ROBO2: variants seen among roughly 807,000 people sequenced by gnomAD.
The protein encoded by ROBO2 is roundabout homolog 2.
ROBO2 carries 53 observed loss-of-function variants against 160.8 expected under a neutral mutation model. The ratio of observed to expected loss-of-function variants is 0.33; its 90% confidence interval spans 0.26 to 0.41. The LOEUF is 0.41. ROBO2 is among the 10% of genes least tolerant of loss of function. ROBO2 has a pLI of 1.00. For missense variants in ROBO2, 1,577 were observed against 1,722.4 expected, an observed-to-expected ratio of 0.92 and a Z score of 1.49; for synonymous variants, 664 against 611.7, an observed-to-expected ratio of 1.09 and a Z score of -1.26.
intron 2 of ROBO2, among the ~76,000 whole-genome samples, chr3:77,386,282 C>A (rs1352049221): frequency 1.3e-5 from 2 of 152,056 alleles, no homozygotes; most frequent in Non-Finnish European, 2.9e-5. Context: ...GTTCTTATAA[C>A]CCATCTATGA....
At chr3:77,192,421 A>G (rs1231973464) in intron 2 of ROBO2, among the ~76,000 whole-genome samples, 3 of 152,168 alleles carry the variant, frequency 2.0e-5, no homozygotes, top group Non-Finnish European at 4.4e-5. Flanking sequence ...CCTATAGAAT[A>G]AGTATAACTT....
chr3:76,659,660 A>G (rs2091736653), intron 2 of ROBO2, among the ~76,000 whole-genome samples: 1 of 152,186 alleles, frequency 6.6e-6, no homozygotes, highest in African/African-American at 2.4e-5. Context: ...TTAAAATGCA[A>G]GTTTAAGAAA....
chr3:76,963,838 A>C (rs985992915), intron 2 of ROBO2, among the ~76,000 whole-genome samples: 1 of 147,028 alleles, frequency 6.8e-6, no homozygotes, highest in African/African-American at 2.5e-5. Flanking sequence ...AGGAACTGCA[A>C]AAAAAAAAAA....
intron 2 of ROBO2, among the ~76,000 whole-genome samples, chr3:76,767,040 C>G (rs779162968): frequency 4.6e-5 from 7 of 151,250 alleles, no homozygotes; most frequent in Non-Finnish European, 8.9e-5. Flanking sequence ...AATGAATTAC[C>G]TAAAAATGAT....
intron 2 of ROBO2, among the ~76,000 whole-genome samples, chr3:76,936,053 A>T (rs1360501532): frequency 6.6e-6 from 1 of 152,156 alleles, no homozygotes; most frequent in African/African-American, 2.4e-5. Context: ...TCATGAAGAG[A>T]CTGGGGTAAT....
chr3:76,830,646 G>T (rs546470504), intron 2 of ROBO2, among the ~76,000 whole-genome samples: 2 of 151,668 alleles, frequency 1.3e-5, no homozygotes, highest in Non-Finnish European at 2.9e-5. Context: ...ATTTCTCCAC[G>T]TATGTATTCT....
chr3:76,445,048 A>C (rs971069151), intron 2 of ROBO2, among the ~76,000 whole-genome samples: 1 of 152,156 alleles, frequency 6.6e-6, no homozygotes, highest in African/African-American at 2.4e-5. Context: ...TTTGAAAAGC[A>C]TGAAAATATC....
At chr3:77,396,848 G>T (rs1302554192) in intron 2 of ROBO2, among the ~76,000 whole-genome samples, 1 of 152,126 alleles carries the variant, frequency 6.6e-6, no homozygotes, top group East Asian at 1.9e-4. Flanking sequence ...AATTTATTCC[G>T]TGATACTATG....
chr3:77,024,379 A>G (rs1303114816), intron 2 of ROBO2, among the ~76,000 whole-genome samples: 1 of 152,216 alleles, frequency 6.6e-6, no homozygotes, highest in Non-Finnish European at 1.5e-5. Flanking sequence ...ACACTGAGCT[A>G]ACCTGTGTCA....
intron 21 of ROBO2, among the ~76,000 whole-genome samples, chr3:77,612,257 A>G (rs2094659669): frequency 1.3e-5 from 2 of 152,250 alleles, no homozygotes; most frequent in Non-Finnish European, 2.9e-5. Flanking sequence ...CACTCAAATA[A>G]GATGTATATC....
intron 2 of ROBO2, among the ~76,000 whole-genome samples, chr3:76,504,203 A>G (rs950279917): frequency 6.6e-6 from 1 of 152,258 alleles, no homozygotes; most frequent in Non-Finnish European, 1.5e-5. Flanking sequence ...TAAAAAATAT[A>G]TGTAAAATAG....
At chr3:76,698,777 A>G (rs1215762343) in intron 2 of ROBO2, among the ~76,000 whole-genome samples, 1 of 152,158 alleles carries the variant, frequency 6.6e-6, no homozygotes, top group Non-Finnish European at 1.5e-5. Flanking sequence ...TCAGTATGCT[A>G]CAGATTTTAC....
chr3:77,596,266 C>G (rs775719), intron 18 of ROBO2, among the ~76,000 whole-genome samples: 86,735 of 151,926 alleles, frequency 0.57, 24,850 homozygotes, highest in Middle Eastern at 0.71. Context: ...AGCCCAAAGT[C>G]TTAGAAATGG....
chr3:77,162,253 G>T (rs1382050486), intron 2 of ROBO2, among the ~76,000 whole-genome samples: 2 of 151,846 alleles, frequency 1.3e-5, no homozygotes, highest in Non-Finnish European at 2.9e-5. Context: ...ATAACAACAT[G>T]GTGTATATTT....
chr3:76,428,548 A>G (rs1450372514), intron 2 of ROBO2, among the ~76,000 whole-genome samples: 1 of 152,128 alleles, frequency 6.6e-6, no homozygotes, highest in Non-Finnish European at 1.5e-5. Flanking sequence ...ATACTATGAA[A>G]ATACTTCACT....
chr3:76,381,640 T>C (rs9876222), intron 2 of ROBO2, among the ~76,000 whole-genome samples: 106,701 of 151,924 alleles, frequency 0.7, 37,945 homozygotes, highest in African/African-American at 0.82. Context: ...TGAGCCACTG[T>C]GCCCCGCCTA....
chr3:76,713,717 G>A (rs1023958317), intron 2 of ROBO2, among the ~76,000 whole-genome samples: 1 of 152,090 alleles, frequency 6.6e-6, no homozygotes, highest in Non-Finnish European at 1.5e-5. Flanking sequence ...CAGTCACTTG[G>A]TAGGATTTAA....
At chr3:77,408,986 G>A (rs936067596) in intron 2 of ROBO2, among the ~76,000 whole-genome samples, 10 of 151,460 alleles carry the variant, frequency 6.6e-5, no homozygotes, top group Non-Finnish European at 8.8e-5. Context: ...CTCTTGCCTC[G>A]TCCTCCCAAA....
intron 1 of ROBO2, among the ~76,000 whole-genome samples, chr3:77,077,664 A>C (rs2068152125): frequency 6.6e-6 from 1 of 152,210 alleles, no homozygotes; most frequent in African/African-American, 2.4e-5. Flanking sequence ...AGTCTTGTCC[A>C]GATTTTCAAG....
Sources: allele counts gnomAD v4.1 joint callset (sites outside exome capture counted in the v4.1 genomes callset), GRCh38; gene constraint gnomAD v4.1.1; transcripts MANE v1.5; gene names NCBI Gene and HGNC (gene_info 2026-07-23, HGNC 2026-07-21).